The following CNTNAP2 variants were observed in gnomAD, a reference collection of about 807,000 sequenced individuals.
The protein encoded by CNTNAP2 is contactin associated protein 2, also known as contactin-associated protein-like 2.
Under a neutral mutation model 155.2 loss-of-function variants are expected in CNTNAP2, and 98 were observed. The observed-to-expected ratio is 0.63, with a 90% confidence interval of 0.54 to 0.75. The LOEUF is 0.75. CNTNAP2 is among the 30% of genes least tolerant of loss of function. The pLI is 0.00. For missense variants in CNTNAP2, 1,727 were observed against 1,688.1 expected (o/e 1.02, Z -0.40); for synonymous variants, 651 against 631.2 (o/e 1.03, Z -0.47).
At chr7:146,963,640 AT>A in intron 3 of CNTNAP2, among the ~76,000 whole-genome samples, 1 of 152,182 alleles carries the variant, frequency 6.6e-6, no homozygotes, top group Non-Finnish European at 1.5e-5. Flanking sequence ...GTGCCTAAAT[AT>A]ATTCAGCCAG....
chr7:147,497,714 C>T (rs1484353669), intron 11 of CNTNAP2, among the ~76,000 whole-genome samples: 4 of 152,100 alleles, frequency 2.6e-5, no homozygotes, highest in African/African-American at 7.2e-5. Context: ...GGAAACATAT[C>T]CCTACTCAGA....
At position 147,309,873 on chromosome 7, in the gene CNTNAP2, A is replaced by C. The variant is rs571563891; in HGVS notation, c.1498+9583A>C. Among the ~76,000 whole-genome samples the C allele has an allele frequency of 6.6e-5, 10 of 152,238 alleles. No homozygotes were observed. The South Asian group carries it at 2.1e-3, about 32-fold the overall frequency. On this transcript the variant is annotated intron_variant, in intron 9 of 23. Coordinates refer to ENST00000361727, the MANE Select transcript of CNTNAP2 (RefSeq NM_014141.6). ...TAGTACCATATAAGTAGTAGCTTTT[A>C]ATACAAAAAAATTTTTAAGCCATCA...
chr7:147,131,518 G>A (rs1378334638), intron 7 of CNTNAP2, among the ~76,000 whole-genome samples: 3 of 151,278 alleles, frequency 2.0e-5, no homozygotes, highest in African/African-American at 7.3e-5. Flanking sequence ...GAAGGGGAGG[G>A]GAAAGCCTGA....
rs751841934 is a variant in CNTNAP2, at chr7:146,780,436, G to A, written c.208+6055G>A. 4.3e-4 allele frequency among the ~76,000 whole-genome samples: 65 copies of A among 151,874 alleles called. 1 individual carries two copies. The highest frequency in any genetic ancestry group is 1.9e-4 in the Non-Finnish European group (13 of 67,974). On this transcript the variant is annotated intron_variant, in intron 2 of 23. Coordinates refer to ENST00000361727, the MANE Select transcript of CNTNAP2 (RefSeq NM_014141.6). ...AATCTCCTGACCTTGTGATCCACCCGCCTCGGCCTCCCAAAGTCCTGGGAT... is the reference window on the plus strand; with the variant it reads ...AATCTCCTGACCTTGTGATCCACCCACCTCGGCCTCCCAAAGTCCTGGGAT...
At chr7:147,223,112 G>T (rs941124504) in intron 8 of CNTNAP2, among the ~76,000 whole-genome samples, 1 of 152,142 alleles carries the variant, frequency 6.6e-6, no homozygotes, top group African/African-American at 2.4e-5. Context: ...TGTGGGACCC[G>T]TCCTTTGACT....
At chr7:148,198,073 A>T (rs896332292) in intron 18 of CNTNAP2, among the ~76,000 whole-genome samples, 33 of 152,144 alleles carry the variant, frequency 2.2e-4, no homozygotes, top group Admixed American at 2.0e-3. Context: ...GAGACTCCCA[A>T]CTTCCATGTG....
At chr7:147,722,023 G>A (rs867278963) in intron 13 of CNTNAP2, among the ~76,000 whole-genome samples, 11 of 152,212 alleles carry the variant, frequency 7.2e-5, no homozygotes, top group Middle Eastern at 6.8e-3. Flanking sequence ...AACCCAAAAC[G>A]CCATACAGTT....
chr7:148,093,570 G>A (rs575491268), intron 15 of CNTNAP2, among the ~76,000 whole-genome samples: 12 of 152,266 alleles, frequency 7.9e-5, no homozygotes, highest in African/African-American at 2.9e-4. Flanking sequence ...ATGACGTCAG[G>A]AAGCTGGGGC....
chr7:148,009,118 C>A (rs1036548332), intron 15 of CNTNAP2, among the ~76,000 whole-genome samples: 1 of 152,284 alleles, frequency 6.6e-6, no homozygotes, highest in East Asian at 1.9e-4. Context: ...GAAAATATAT[C>A]AAAAGTTGAA....
chr7:148,173,537 T>C (rs1273598544), intron 18 of CNTNAP2, among the ~76,000 whole-genome samples: 5 of 152,240 alleles, frequency 3.3e-5, no homozygotes, highest in Admixed American at 3.3e-4. Flanking sequence ...GGCTACTGTT[T>C]GGCAGCGCTA....
At chr7:147,622,129 T>C (rs1794870365) in intron 12 of CNTNAP2, among the ~76,000 whole-genome samples, 1 of 151,982 alleles carries the variant, frequency 6.6e-6, no homozygotes, top group Non-Finnish European at 1.5e-5. Flanking sequence ...AGTACCGCGA[T>C]ATATAAAGCA....
chr7:147,139,756 A>T (rs1801557609), intron 8 of CNTNAP2, among the ~76,000 whole-genome samples: 1 of 152,112 alleles, frequency 6.6e-6, no homozygotes, highest in Non-Finnish European at 1.5e-5. Flanking sequence ...GGATCAGCTG[A>T]AAGAATGACT....
At chr7:148,307,728 G>T (rs1409604150) in intron 21 of CNTNAP2, among the ~76,000 whole-genome samples, 1 of 152,178 alleles carries the variant, frequency 6.6e-6, no homozygotes, top group East Asian at 1.9e-4. Flanking sequence ...AGCAATTTGG[G>T]AGGCGGAGGT....
intron 1 of CNTNAP2, among the ~76,000 whole-genome samples, chr7:146,431,577 T>C (rs995610504): frequency 2.6e-5 from 4 of 152,068 alleles, no homozygotes; most frequent in African/African-American, 9.7e-5. Context: ...TTCTATATGC[T>C]TTATGTGAAT....
At chr7:148,225,749 G>A (rs550268139) in intron 19 of CNTNAP2, among the ~76,000 whole-genome samples, 2 of 152,274 alleles carry the variant, frequency 1.3e-5, no homozygotes, top group South Asian at 4.1e-4. Context: ...GATGGAGATG[G>A]CGACAAGTGG....
chr7:146,919,211 A>C (rs1350956545), intron 3 of CNTNAP2, among the ~76,000 whole-genome samples: 1 of 152,104 alleles, frequency 6.6e-6, no homozygotes, highest in South Asian at 2.1e-4. Context: ...CTTGGTTTGG[A>C]TTCATTGCTG....
At chr7:147,702,664 A>G (rs1222435166) in intron 13 of CNTNAP2, among the ~76,000 whole-genome samples, 1 of 151,714 alleles carries the variant, frequency 6.6e-6, no homozygotes. Flanking sequence ...TTGCAGATGG[A>G]GTGTTAATTG....
intron 21 of CNTNAP2, among the ~76,000 whole-genome samples, chr7:148,323,294 C>CTTTTTTTTT (rs60109355): frequency 2.0e-5 from 1 of 49,466 alleles, no homozygotes; most frequent in Non-Finnish European, 3.4e-5. Flanking sequence ...TTATGGATTT[C>CTTTTTTTTT]TTTTTTTTTT....
chr7:147,066,224 G>A (rs1348032822), intron 4 of CNTNAP2, among the ~76,000 whole-genome samples: 1 of 152,148 alleles, frequency 6.6e-6, no homozygotes, highest in Non-Finnish European at 1.5e-5. Flanking sequence ...GAAGATGCTG[G>A]TAGACTGTAA....
Sources: allele counts gnomAD v4.1 joint callset (sites outside exome capture counted in the v4.1 genomes callset), GRCh38; gene constraint gnomAD v4.1.1; transcripts MANE v1.5; gene names NCBI Gene and HGNC (gene_info 2026-07-23, HGNC 2026-07-21).